Variants in SMC6 observed in about 807,000 individuals in gnomAD.
SMC6 encodes the protein structural maintenance of chromosomes 6.
SMC6 carries 79 observed loss-of-function variants against 142.2 expected under a neutral mutation model. The observed-to-expected ratio is 0.56, with a 90% CI of 0.46 to 0.67. The LOEUF (loss-of-function observed/expected upper bound fraction) is 0.67, where lower values mean the gene tolerates loss of function less well. Among genes scored for constraint, SMC6 ranks in the 30% least tolerant of loss-of-function variants. The pLI is 0.00. For synonymous variants in SMC6, 411 were observed against 412.4 expected (o/e 1.00, Z 0.04); for missense variants, 1,072 against 1,284.0 (o/e 0.83, Z 2.52).
chr2:17,739,859 CACACACAGAGAATATGGTAA>C (rs1670347935), intron 4 of SMC6, among the ~76,000 whole-genome samples: 3 of 142,006 alleles, frequency 2.1e-5, no homozygotes, highest in South Asian at 4.5e-4. Flanking sequence ...CACACACACA[CACACACAGAGAATATGGTAA>C]ACACACACAC....
intron 24 of SMC6, chr2:17,682,068 AAT>A (rs1411719611): frequency 6.6e-6 from 1 of 152,206 alleles, no homozygotes; most frequent in Non-Finnish European, 1.5e-5. Flanking sequence ...TTTATGTAGT[AAT>A]AGAGATTGGG....
intron 25 of SMC6, among the ~76,000 whole-genome samples, chr2:17,671,431 C>CCA (rs10686942): frequency 0.24 from 35,489 of 148,722 alleles, 4,515 homozygotes; most frequent in Non-Finnish European, 0.28. Context: ...AACCTCATCT[C>CCA]CACACACACA....
At position 17,744,492 on chromosome 2, in the gene SMC6, T is replaced by C. The variant is rs898941134; in HGVS notation, c.120+1335A>G. On this transcript the variant is annotated intron_variant, in intron 3 of 27. Coordinates refer to ENST00000448223, the MANE Select transcript of SMC6 (RefSeq NM_001142286.2). ...TCCTTGAGATTTTTTATGTAGATAA[T>C]GAACAAATGGATTATCTACATAATC... Among the ~76,000 whole-genome samples, 4 of 152,208 alleles carry C rather than the reference T, an allele frequency of 2.6e-5. No homozygotes were observed. In the South Asian group the frequency reaches 8.3e-4, roughly 31 times the overall value.
Position 17,665,372 on chromosome 2 carries a change from G to C in SMC6, c.*127C>G, listed in dbSNP as rs1363725610. 5 of 436,472 alleles carry C rather than the reference G, an allele frequency of 1.1e-5. No homozygotes were observed. The highest frequency in any genetic ancestry group is 2.0e-5 in the Non-Finnish European group (5 of 251,246). The allele number at this position is 436,472 out of a possible 1,614,324, so 27.0% of individuals were successfully genotyped here. A position where few individuals can be genotyped will look rare whatever the true frequency, so the allele number is the denominator to read the frequency against. On this transcript the variant is annotated 3_prime_UTR_variant, in exon 28 of 28. Coordinates refer to ENST00000448223, the MANE Select transcript of SMC6 (RefSeq NM_001142286.2). ...CTTATTTATATGTTTGATTGTGGTTGGATATATAAAGGAGTTTCTTTCATT... is the reference window on the plus strand; with the variant it reads ...CTTATTTATATGTTTGATTGTGGTTCGATATATAAAGGAGTTTCTTTCATT...
In SMC6 at chr2:17,718,082, C is replaced by T. The variant is rs1669188763; in HGVS notation, c.1087G>A (p.Ala363Thr). The change falls in exon 12 of 28, where the codon GCT (alanine) becomes ACT (threonine). Residue 363 changes from alanine (A) to threonine (T), a missense_variant. Ala to Thr is a moderately conservative substitution (Grantham distance 58, BLOSUM62 0). Transcript: ENST00000448223. Reference sequence around the variant, plus strand: ...GTTTAGAAAATTTATCTCACCTCAGCTTCATTATAGGCCCTTTTCTTAGCA... The same window carrying T: ...GTTTAGAAAATTTATCTCACCTCAGTTTCATTATAGGCCCTTTTCTTAGCA... The part of the protein sequence containing the change: ...VVAKKRAYNE[A>T]EVLYNRSLNE... 2 of 1,599,968 alleles carry T rather than the reference C, an allele frequency of 1.3e-6. No homozygotes were observed. The highest frequency in any genetic ancestry group is 1.7e-6 in the Non-Finnish European group (2 of 1,173,454).
intron 25 of SMC6, among the ~76,000 whole-genome samples, chr2:17,671,036 G>GTTTT (rs138967912): frequency 7.3e-6 from 1 of 137,108 alleles, no homozygotes; most frequent in Non-Finnish European, 1.6e-5. Context: ...TAATTTTTGT[G>GTTTT]TTTTTTTTTT....
intron 4 of SMC6, 51 bp downstream of exon 4, chr2:17,741,561 C>T: frequency 1.2e-5 from 14 of 1,161,890 alleles, no homozygotes; most frequent in Non-Finnish European, 1.8e-5. Context: ...TTAACGTACT[C>T]TAATCTCAAA....
intron 24 of SMC6, chr2:17,681,817 GAC>G (rs775030013): frequency 6.6e-6 from 1 of 152,090 alleles, no homozygotes; most frequent in African/African-American, 2.4e-5. Context: ...AACAAAATAT[GAC>G]ACAGAGACAT....
chr2:17,701,871 A>G lies in SMC6; in HGVS notation c.2181T>C (p.Leu727=), dbSNP rs1469751944. Residue 727 remains leucine, a synonymous_variant, in exon 20 of 28, where the codon CTT becomes CTC. Transcript: ENST00000448223. ...IRKNISEIRE[L]ENIEEHQSVD... ...CAGACTGGTGTTCTTCTATGTTCTC[A>G]AGTTCCCGAATTTCAGAAATATTTT... 3 of 1,583,072 alleles carry G rather than the reference A, an allele frequency of 1.9e-6. No homozygotes were observed. The African/African-American group carries it at 4.1e-5, about 22-fold the overall frequency.
intron 2 of SMC6, among the ~76,000 whole-genome samples, chr2:17,749,391 C>A (rs1434918319): frequency 1.3e-5 from 2 of 152,000 alleles, no homozygotes; most frequent in Admixed American, 6.5e-5. Flanking sequence ...ATAATAAGTT[C>A]AAGAAGAAAA....
At chr2:17,705,603 C>T (rs750920207) in intron 18 of SMC6, among the ~76,000 whole-genome samples, 7 of 152,042 alleles carry the variant, frequency 4.6e-5, no homozygotes, top group East Asian at 1.9e-4. Context: ...AAACAAACTT[C>T]GGAAACTACA....
In SMC6 at chr2:17,670,669, TA is replaced by T. The variant is rs1224090540; in HGVS notation, c.2911-95del. 114 of 1,233,482 alleles carry T rather than the reference TA, an allele frequency of 9.2e-5. No homozygotes were observed. In the East Asian group the frequency reaches 3.1e-3, roughly 34 times the overall value. 76.4% of individuals were successfully genotyped at this position (1,233,482 alleles called of 1,614,324 possible). On this transcript the variant is annotated intron_variant, in intron 25 of 27. Transcript: ENST00000448223. Reference sequence around the variant, plus strand: ...AGACAGATAAATAATAGATTTACAGTAAAAAGGAGATGGGAATAAAATGACT... The same window carrying T: ...AGACAGATAAATAATAGATTTACAGTAAAAGGAGATGGGAATAAAATGACT...
chr2:17,751,962 T>C (rs912161273), intron 2 of SMC6, among the ~76,000 whole-genome samples: 6 of 152,324 alleles, frequency 3.9e-5, no homozygotes, highest in Admixed American at 3.9e-4. Flanking sequence ...AAAATAAACC[T>C]TTGGGGAATA....
intron 7 of SMC6, among the ~76,000 whole-genome samples, chr2:17,729,808 T>TA: frequency 6.6e-6 from 1 of 152,212 alleles, no homozygotes; most frequent in African/African-American, 2.4e-5. Flanking sequence ...TTTTTCTACT[T>TA]ACAAAAAAAC....
At chr2:17,709,304 A>G (rs564702258) in intron 16 of SMC6, among the ~76,000 whole-genome samples, 2 of 152,318 alleles carry the variant, frequency 1.3e-5, no homozygotes, top group South Asian at 4.1e-4. Context: ...TGATATGAGA[A>G]AAGAAAAACT....
In SMC6 at chr2:17,745,699, C is replaced by A. The variant is rs1014825424; in HGVS notation, c.120+128G>T. ...ACATAAGCTTCAAAATTACCCAGAACAGATTTTACCTCAACTTTTAAAAAA... is the reference window on the plus strand; with the variant it reads ...ACATAAGCTTCAAAATTACCCAGAAAAGATTTTACCTCAACTTTTAAAAAA... On this transcript the variant is annotated intron_variant, in intron 3 of 27. Transcript: ENST00000448223. 4 of 954,656 alleles carry A rather than the reference C, an allele frequency of 4.2e-6. No individual in the cohort carries two copies. The East Asian group carries it at 1.2e-4, about 28-fold the overall frequency. 59.1% of individuals were successfully genotyped at this position (954,656 alleles called of 1,614,324 possible).
intron 23 of SMC6, among the ~76,000 whole-genome samples, chr2:17,690,314 C>T (rs1341793048): frequency 6.6e-6 from 1 of 152,158 alleles, no homozygotes; most frequent in Non-Finnish European, 1.5e-5. Context: ...CTGCCTGTGG[C>T]CAGGTGTGGT....
chr2:17,692,437 C>T (rs369988589), intron 23 of SMC6, among the ~76,000 whole-genome samples: 8 of 152,116 alleles, frequency 5.3e-5, no homozygotes, highest in Admixed American at 2.6e-4. Flanking sequence ...ACAAACCTCA[C>T]GAAAACAAGA....
intron 4 of SMC6, among the ~76,000 whole-genome samples, chr2:17,740,998 C>T (rs1010369338): frequency 6.6e-6 from 1 of 152,198 alleles, no homozygotes; most frequent in Non-Finnish European, 1.5e-5. Flanking sequence ...TAGAGCATGA[C>T]TCTCCACAGT....
Sources: allele counts gnomAD v4.1 joint callset (sites outside exome capture counted in the v4.1 genomes callset), GRCh38; gene constraint gnomAD v4.1.1; transcripts MANE v1.5; gene names NCBI Gene and HGNC (gene_info 2026-07-23, HGNC 2026-07-21).